PRKCH: variants seen among roughly 807,000 people sequenced by gnomAD.
PRKCH encodes the protein protein kinase C eta type.
PRKCH carries 28 observed loss-of-function variants against 82.5 expected under a neutral mutation model. The ratio of observed to expected loss-of-function variants is 0.34; its 90% confidence interval spans 0.25 to 0.47. PRKCH has a LOEUF of 0.47. Ranked by LOEUF, PRKCH falls within the 20% of genes least tolerant of loss-of-function variation. The pLI is 1.00. For synonymous variants in PRKCH, 322 were observed against 327.4 expected (o/e 0.98, Z 0.18); for missense variants, 705 against 881.8 (o/e 0.80, Z 2.54).
chr14:61,225,392 G>A (rs149560913), intron 1 of PRKCH, among the ~76,000 whole-genome samples: 34 of 152,326 alleles, frequency 2.2e-4, no homozygotes, highest in Admixed American at 2.2e-3. Flanking sequence ...GGAGATGACA[G>A]TGTGAGGCCT....
At chr14:61,214,281 A>T in intron 1 of PRKCH, among the ~76,000 whole-genome samples, 1 of 152,196 alleles carries the variant, frequency 6.6e-6, no homozygotes, top group Non-Finnish European at 1.5e-5. Flanking sequence ...GCGGAGAGTT[A>T]GGTGGGGAGG....
At chr14:61,401,306 C>T (rs539700788) in intron 2 of PRKCH, among the ~76,000 whole-genome samples, 1 of 152,172 alleles carries the variant, frequency 6.6e-6, no homozygotes, top group Non-Finnish European at 1.5e-5. Flanking sequence ...TATGATAGCT[C>T]TATTTGCCTT....
At chr14:61,448,738 T>G (rs1304512486) in intron 4 of PRKCH, among the ~76,000 whole-genome samples, 1 of 152,122 alleles carries the variant, frequency 6.6e-6, no homozygotes, top group African/African-American at 2.4e-5. Context: ...CCCATGTAGT[T>G]TTTACTGGAA....
At chr14:61,530,058 A>G (rs2043025533) in intron 11 of PRKCH, among the ~76,000 whole-genome samples, 1 of 152,226 alleles carries the variant, frequency 6.6e-6, no homozygotes, top group Admixed American at 6.5e-5. Flanking sequence ...AACTAAAGAA[A>G]GGCTCTTGAA....
At chr14:61,237,006 C>T (rs1264269906) in intron 1 of PRKCH, among the ~76,000 whole-genome samples, 4 of 152,130 alleles carry the variant, frequency 2.6e-5, no homozygotes, top group Non-Finnish European at 5.9e-5. Context: ...TCTTAATAAA[C>T]TTGCTTCCAC....
intron 1 of PRKCH, among the ~76,000 whole-genome samples, chr14:61,350,863 A>G (rs912850486): frequency 2.0e-5 from 3 of 152,214 alleles, no homozygotes; most frequent in South Asian, 4.1e-4. Flanking sequence ...TGGCCCTTTA[A>G]TATCCATGGT....
At chr14:61,401,829 T>C (rs1881637608) in intron 2 of PRKCH, among the ~76,000 whole-genome samples, 2 of 152,242 alleles carry the variant, frequency 1.3e-5, no homozygotes, top group Admixed American at 1.3e-4. Flanking sequence ...ACTTGTGTGA[T>C]TGAGTTGTTA....
At chr14:61,350,888 G>A (rs1309259331) in intron 1 of PRKCH, among the ~76,000 whole-genome samples, 1 of 152,194 alleles carries the variant, frequency 6.6e-6, no homozygotes, top group Non-Finnish European at 1.5e-5. Flanking sequence ...AAACATTTCT[G>A]TAGAGGGATT....
intron 2 of PRKCH, among the ~76,000 whole-genome samples, chr14:61,436,441 A>G (rs1260677851): frequency 2.7e-4 from 3 of 11,308 alleles, no homozygotes; most frequent in Non-Finnish European, 2.8e-3. Context: ...CTGAGTTTGG[A>G]AATAACTATG....
At chr14:61,208,518 G>A (rs375600035) in intron 1 of PRKCH, among the ~76,000 whole-genome samples, 240 of 152,248 alleles carry the variant, frequency 1.6e-3, no homozygotes, top group Middle Eastern at 6.8e-3. Context: ...TCTATCAAAG[G>A]TGAGACATAA....
chr14:61,329,179 T>G (rs997199702), intron 1 of PRKCH, among the ~76,000 whole-genome samples: 13 of 147,524 alleles, frequency 8.8e-5, no homozygotes, highest in African/African-American at 3.2e-4. Context: ...AGTCATTTCT[T>G]TATTTAAAAC....
chr14:61,403,295 A>G (rs1018878402), intron 2 of PRKCH, among the ~76,000 whole-genome samples: 4 of 152,050 alleles, frequency 2.6e-5, no homozygotes, highest in African/African-American at 9.7e-5. Context: ...TTTCTAGGTT[A>G]TTTTTTTCTT....
At chr14:61,248,629 T>C (rs1412815910) in intron 1 of PRKCH, among the ~76,000 whole-genome samples, 1 of 152,206 alleles carries the variant, frequency 6.6e-6, no homozygotes, top group Non-Finnish European at 1.5e-5. Flanking sequence ...TGTCCAGTAC[T>C]GGGAATCAAA....
chr14:61,333,398 G>C (rs566792168), intron 1 of PRKCH, among the ~76,000 whole-genome samples: 2 of 152,236 alleles, frequency 1.3e-5, no homozygotes, highest in East Asian at 3.9e-4. Context: ...CAGTTGAAAG[G>C]GTTCAAAAAT....
At chr14:61,246,217 C>T (rs2044880740) in intron 1 of PRKCH, among the ~76,000 whole-genome samples, 1 of 150,066 alleles carries the variant, frequency 6.7e-6, no homozygotes, top group East Asian at 2.0e-4. Context: ...ACCAGCCTGA[C>T]CAACATGGCA....
chr14:61,541,574 GAGA>G (rs538809392), intron 12 of PRKCH, among the ~76,000 whole-genome samples: 105 of 152,314 alleles, frequency 6.9e-4, no homozygotes, highest in African/African-American at 2.4e-3. Context: ...TGAATGAATG[GAGA>G]AGGTCATTTT....
chr14:61,206,798 A>G (rs2044527525), intron 1 of PRKCH, among the ~76,000 whole-genome samples: 1 of 149,672 alleles, frequency 6.7e-6, no homozygotes, highest in African/African-American at 2.5e-5. Context: ...TTCTCCTGTG[A>G]TTAGAAAAAG....
At chr14:61,287,610 C>T (rs746842467) in intron 1 of PRKCH, among the ~76,000 whole-genome samples, 1 of 151,762 alleles carries the variant, frequency 6.6e-6, no homozygotes, top group Non-Finnish European at 1.5e-5. Flanking sequence ...CTTGGGAAGC[C>T]GAGGCATGAG....
intron 2 of PRKCH, chr14:61,442,658 C>T (rs114793445): frequency 1.3e-3 from 205 of 153,700 alleles, no homozygotes; most frequent in African/African-American, 4.6e-3. Flanking sequence ...TGACTGGGTG[C>T]GGTGACACAC....
Sources: allele counts gnomAD v4.1 joint callset (sites outside exome capture counted in the v4.1 genomes callset), GRCh38; gene constraint gnomAD v4.1.1; transcripts MANE v1.5; gene names NCBI Gene and HGNC (gene_info 2026-07-23, HGNC 2026-07-21).